TRIM35: variants seen among roughly 807,000 people sequenced by gnomAD.
TRIM35 encodes the protein tripartite motif containing 35, also known as E3 ubiquitin-protein ligase TRIM35.
Under a neutral mutation model 49.1 loss-of-function variants are expected in TRIM35, and 37 were observed. That is an observed-to-expected ratio of 0.75 (90% confidence interval 0.58 to 0.99). TRIM35 has a LOEUF of 0.99. TRIM35 is among the 50% of genes least tolerant of loss of function. The pLI is 0.00. For missense variants in TRIM35, 648 were observed against 702.7 expected (o/e 0.92, Z 0.88); for synonymous variants, 302 against 289.3 (o/e 1.04, Z -0.45).
In TRIM35 at chr8:27,286,034, G is replaced by A; in HGVS notation, c.*1516C>T. On this transcript the variant is annotated 3_prime_UTR_variant, in exon 6 of 6. Coordinates refer to ENST00000305364, the MANE Select transcript of TRIM35 (RefSeq NM_171982.5). Reference sequence around the variant, plus strand: ...ATTTATAACCAATTAATACGTGTGAGTCATGATTTGTTTAAAATGTCAGCT... The same window carrying A: ...ATTTATAACCAATTAATACGTGTGAATCATGATTTGTTTAAAATGTCAGCT... 2.2e-6 allele frequency: 1 copy of A among 454,260 alleles called. No homozygotes were observed. 28.1% of individuals were successfully genotyped at this position (454,260 alleles called of 1,614,324 possible). A position where few individuals can be genotyped will look rare whatever the true frequency, so the allele number is the denominator to read the frequency against.
chr8:27,290,154 A>G lies in TRIM35; in HGVS notation c.785+2T>C. 6.2e-7 allele frequency: 1 copy of G among 1,614,098 alleles called. No individual in the cohort carries two copies. On this transcript the variant is annotated splice_donor_variant, in intron 4 of 5. Coordinates refer to ENST00000305364, the MANE Select transcript of TRIM35 (RefSeq NM_171982.5). LOFTEE classifies it high-confidence loss of function. ...TCCCCTCCACCAGCTTTGGCAACTT[A>G]CCGGCGTTTTCGGCTCTTGTGTTTC... is the stretch of plus-strand genomic sequence containing the variant.
rs551690952 is a variant in TRIM35 at position 27,290,081 on chromosome 8, C to T, written c.785+75G>A. 33 of 1,572,496 alleles carry T rather than the reference C, an allele frequency of 2.1e-5. No homozygotes were observed. In the Middle Eastern group the frequency reaches 6.9e-4, roughly 33 times the overall value. On this transcript the variant is annotated intron_variant, in intron 4 of 5. Transcript: ENST00000305364. ...CCAGCTGGTTGTTACCTGCTTGCCCCGGGGCCACTGGAGTTTGCACCCCTG... is the reference window on the plus strand; with the variant it reads ...CCAGCTGGTTGTTACCTGCTTGCCCTGGGGCCACTGGAGTTTGCACCCCTG...
At chr8:27,296,697 A>C (rs762378843) in intron 2 of TRIM35, among the ~76,000 whole-genome samples, 1 of 152,268 alleles carries the variant, frequency 6.6e-6, no homozygotes, top group Non-Finnish European at 1.5e-5. Context: ...AAGGAAACCA[A>C]GTAAGAGAAC....
At position 27,287,890 on chromosome 8, in the gene TRIM35, G is replaced by A. The variant is rs137997329; in HGVS notation, c.1142C>T (p.Ala381Val). 3.6e-5 allele frequency: 58 copies of A among 1,613,028 alleles called. No homozygotes were observed. In the African/African-American group the frequency reaches 7.2e-4, roughly 20 times the overall value. ...GTAGCAGCTGTGTGAGTGGCCCTCAGCGCCCGAGTCCTGGCGCACACGTAC... is the reference window on the plus strand; with the variant it reads ...GTAGCAGCTGTGTGAGTGGCCCTCAACGCCCGAGTCCTGGCGCACACGTAC... ...GVVRVRQDSGAEGHSHSCYHD... is the reference protein window; with the variant it reads ...GVVRVRQDSGVEGHSHSCYHD... Residue 381 changes from alanine to valine, a missense_variant, in exon 6 of 6, where the codon GCT becomes GTT. Ala to Val is a moderately conservative substitution (Grantham distance 64). Transcript: ENST00000305364. This position sits in a 1 kb window ranked among gnomAD's most constrained non-coding sequence, Gnocchi z 6.0.
Position 27,311,045 on chromosome 8 carries a change from G to A in TRIM35, c.191C>T (p.Ala64Val), listed in dbSNP as rs559446313. 8.6e-5 allele frequency: 138 copies of A among 1,599,558 alleles called. 2 individuals are homozygous for A. In the South Asian group the frequency reaches 1.5e-3, roughly 17 times the overall value. The change falls in exon 1 of 6, where the codon GCG becomes GTG. Residue 64 changes from alanine to valine, a missense_variant. Transcript: ENST00000305364. Reference sequence around the variant, plus strand: ...GTTGGTGCGCAGGTCGGCGGGTGACGCGCGGTCTTTGCACACTGGGCAGGT... The same window carrying A: ...GTTGGTGCGCAGGTCGGCGGGTGACACGCGGTCTTTGCACACTGGGCAGGT... Reference protein sequence around the residue: ...SPTCPVCKDRASPADLRTNHT... With the variant: ...SPTCPVCKDRVSPADLRTNHT...
chr8:27,304,536 A>G (rs1475761675), intron 1 of TRIM35, among the ~76,000 whole-genome samples: 1 of 152,196 alleles, frequency 6.6e-6, no homozygotes, highest in East Asian at 1.9e-4. Context: ...CTCACTATCC[A>G]GGGTAATAGC....
In TRIM35 at chr8:27,290,148, C is replaced by A; in HGVS notation, c.785+8G>T. 6.2e-7 allele frequency: 1 copy of A among 1,613,990 alleles called. No individual in the cohort carries two copies. The highest frequency in any genetic ancestry group is 2.2e-5 in the East Asian group (1 of 44,876). On this transcript the variant is annotated splice_region_variant and intron_variant, in intron 4 of 5. Coordinates refer to ENST00000305364, the MANE Select transcript of TRIM35 (RefSeq NM_171982.5). ...TTCCCCTCCCCTCCACCAGCTTTGGCAACTTACCGGCGTTTTCGGCTCTTG... is the reference window on the plus strand; with the variant it reads ...TTCCCCTCCCCTCCACCAGCTTTGGAAACTTACCGGCGTTTTCGGCTCTTG...
Position 27,311,063 on chromosome 8 carries a change from G to A in TRIM35, c.173C>T (p.Pro58Leu), listed in dbSNP as rs1468493556. The change falls in exon 1 of 6, where the codon CCA becomes CTA. Residue 58 changes from proline (P) to leucine (L), a missense_variant. Transcript: ENST00000305364. Reference protein sequence around the residue: ...CWEVQVSPTCPVCKDRASPAD... With the variant: ...CWEVQVSPTCLVCKDRASPAD... ...GGGTGACGCGCGGTCTTTGCACACT[G>A]GGCAGGTGGGCGACACCTGCACCTC... The A allele has an allele frequency of 6.3e-7, 1 of 1,596,608 alleles. No homozygotes were observed. Among genetic ancestry groups the A allele is most frequent in the Non-Finnish European group, 8.5e-7 (1 of 1,172,454 alleles).
chr8:27,287,728 T>G lies in TRIM35; in HGVS notation c.1304A>C (p.Glu435Ala), dbSNP rs1168346838. The G allele has an allele frequency of 6.2e-7, 1 of 1,610,672 alleles. No individual in the cohort carries two copies. The highest frequency in any genetic ancestry group is 8.5e-7 in the Non-Finnish European group (1 of 1,178,796). ...GTCATAGAAAGACAGCTCGCCCTCC[T>G]CACACTCCAGCTCCACACGCAGGCG... ...PRRLRVELEC[E>A]EGELSFYDAE... Residue 435 changes from glutamate (E) to alanine (A), a missense_variant, in exon 6 of 6, where the codon GAG becomes GCG. By Grantham distance (107) the Glu-to-Ala change is moderately radical (BLOSUM62 -1). Coordinates refer to ENST00000305364, the MANE Select transcript of TRIM35 (RefSeq NM_171982.5). This position sits in a 1 kb window ranked among gnomAD's most constrained non-coding sequence, Gnocchi z 6.0.
chr8:27,296,975 G>A (rs1802582890), intron 2 of TRIM35, among the ~76,000 whole-genome samples: 1 of 152,178 alleles, frequency 6.6e-6, no homozygotes, highest in Non-Finnish European at 1.5e-5. Context: ...AAAAACCCTA[G>A]TAAAAGGGAA....
chr8:27,308,280 T>A (rs143240089), intron 1 of TRIM35, among the ~76,000 whole-genome samples: 9 of 152,366 alleles, frequency 5.9e-5, no homozygotes, highest in Admixed American at 5.9e-4. Context: ...TTTGTGAGCA[T>A]TAAATTTGTT....
At chr8:27,310,664 G>C in intron 1 of TRIM35, 137 bp downstream of exon 1, 8 of 996,530 alleles carry the variant, frequency 8.0e-6, no homozygotes, top group Non-Finnish European at 1.2e-5. Flanking sequence ...CTGGGTCGGA[G>C]AGGTGGGGTC....
intron 3 of TRIM35, among the ~76,000 whole-genome samples, chr8:27,293,633 G>A (rs1334416391): frequency 3.3e-5 from 5 of 151,950 alleles, no homozygotes; most frequent in East Asian, 1.9e-4. Flanking sequence ...TGAGGCCAGG[G>A]ATTCAAGACC....
chr8:27,291,143 C>T (rs1358353452), intron 3 of TRIM35, among the ~76,000 whole-genome samples: 1 of 150,146 alleles, frequency 6.7e-6, no homozygotes, highest in Non-Finnish European at 1.5e-5. Flanking sequence ...CATCAAAGAC[C>T]TACATGAAGA....
chr8:27,310,160 T>C (rs751433797), intron 1 of TRIM35, among the ~76,000 whole-genome samples: 16 of 152,234 alleles, frequency 1.1e-4, no homozygotes, highest in Non-Finnish European at 2.1e-4. Context: ...CCTTATCTTC[T>C]ATTCATTTTT....
At position 27,287,992 on chromosome 8, in the gene TRIM35, C is replaced by A. The variant is rs1316726970; in HGVS notation, c.1040G>T (p.Gly347Val). Residue 347 changes from glycine (G) to valine (V), a missense_variant, in exon 6 of 6, where the codon GGC becomes GTC. Transcript: ENST00000305364. The surrounding 1 kb of genome is among the most constrained non-coding windows in gnomAD (Gnocchi z 6.0). ...ERFSSAPCLL[G>V]SRVFSQGSHA... ...CGAGCCCTGTGAGAAGACACGGGAG[C>A]CCAGCAGGCAGGGCGCCGAGGAGAA... The A allele has an allele frequency of 6.2e-7, 1 of 1,613,522 alleles. No individual in the cohort carries two copies. The highest frequency in any genetic ancestry group is 1.1e-5 in the South Asian group (1 of 91,076).
At chr8:27,288,872 A>G (rs1022129325) in intron 5 of TRIM35, among the ~76,000 whole-genome samples, 6 of 152,232 alleles carry the variant, frequency 3.9e-5, no homozygotes. Flanking sequence ...ATCATACAAA[A>G]CACAGTTCTG....
intron 1 of TRIM35, among the ~76,000 whole-genome samples, chr8:27,310,337 T>A (rs1478993390): frequency 6.6e-6 from 1 of 152,172 alleles, no homozygotes; most frequent in Non-Finnish European, 1.5e-5. Context: ...AACCGCGGGA[T>A]CAGCTTGGCA....
chr8:27,289,317 A>G, intron 4 of TRIM35, 37 bp from the exon 5 acceptor site: 2 of 1,584,916 alleles, frequency 1.3e-6, no homozygotes, highest in African/African-American at 1.3e-5. Context: ...GCAGGGCCAG[A>G]GCCATGCAAC....
Sources: gnomAD v4.1 joint callset for allele counts (sites outside exome capture counted in the v4.1 genomes callset) on GRCh38, gnomAD v4.1.1 for gene constraint, Gnocchi (gnomAD v3.1) non-coding constraint, MANE v1.5 for transcripts, NCBI Gene and HGNC (gene_info 2026-07-23, HGNC 2026-07-21) for gene names.